NLRC3: variants seen among roughly 807,000 people sequenced by gnomAD.
The protein encoded by NLRC3 is NLR family CARD domain-containing protein 3.
A neutral mutation model predicts 91.6 loss-of-function variants in NLRC3; 87 were observed. The ratio of observed to expected loss-of-function variants is 0.95; its 90% CI spans 0.80 to 1.14. NLRC3 has a LOEUF of 1.14. NLRC3 is among the 50% of genes most tolerant of loss of function. NLRC3 has a pLI of 0.00. For missense variants in NLRC3, 1,577 were observed against 1,418.6 expected (o/e 1.11, Z -1.79); for synonymous variants, 694 against 625.3 (o/e 1.11, Z -1.64).
chr16:3,551,628 C>T (rs2039009990), intron 10 of NLRC3, among the ~76,000 whole-genome samples: 1 of 151,276 alleles, frequency 6.6e-6, no homozygotes, highest in African/African-American at 2.4e-5. Flanking sequence ...TCCATCCATC[C>T]ATTCATTCAA....
At chr16:3,544,160 A>AG (rs1181342517) in intron 16 of NLRC3, 86 bp downstream of exon 16, 13 of 786,052 alleles carry the variant, frequency 1.7e-5, no homozygotes, top group East Asian at 1.6e-4. Context: ...TCTTGTCTCG[A>AG]GGAAAAAAAA....
At position 3,567,771 on chromosome 16, in the gene NLRC3, C is replaced by CAAAA. The variant is rs774868671; in HGVS notation, c.-168-451_-168-448dup. ...TGGGCAACAGAGCGAGACTCCATCT[C>CAAAA]AAAAAAAAAAAAAAAAAAAAAAGCT... On this transcript the variant is annotated intron_variant, in intron 1 of 19. Transcript: ENST00000359128. 6.3e-3 allele frequency among the ~76,000 whole-genome samples: 241 copies of CAAAA among 38,472 alleles called. 21 individuals are homozygous for CAAAA. Among genetic ancestry groups the CAAAA allele is most frequent in the Middle Eastern group, 0.019 (1 of 52 alleles). The allele number at this position is 38,472 out of a possible 152,430, so 25.2% of individuals were successfully genotyped here. A position where few individuals can be genotyped will look rare whatever the true frequency, so the allele number is the denominator to read the frequency against.
intron 2 of NLRC3, among the ~76,000 whole-genome samples, chr16:3,565,581 AC>A (rs2039846236): frequency 6.6e-6 from 1 of 151,686 alleles, no homozygotes; most frequent in African/African-American, 2.4e-5. Context: ...AGACAGGAAG[AC>A]AGTGAAAGAA....
chr16:3,561,702 C>G lies in NLRC3; in HGVS notation c.2015G>C (p.Ser672Thr). The G allele has an allele frequency of 6.2e-7, 1 of 1,609,776 alleles. No individual in the cohort carries two copies. The highest frequency in any genetic ancestry group is 8.5e-7 in the Non-Finnish European group (1 of 1,176,280). The part of the protein sequence containing the change: ...SGKDCRIQKI[S>T]LAENQISNKG... ...TGGAGGTCCCCTGGGTCTGTGTTACCTGATCTTCTGAATGCGACAGTCCTT... is the reference window on the plus strand; with the variant it reads ...TGGAGGTCCCCTGGGTCTGTGTTACGTGATCTTCTGAATGCGACAGTCCTT... The change falls in exon 6 of 20, where the codon AGC (serine) becomes ACC (threonine). Residue 672 changes from serine (S) to threonine (T), a missense_variant and splice_region_variant. Coordinates refer to ENST00000359128, the MANE Select transcript of NLRC3 (RefSeq NM_178844.4).
chr16:3,555,571 ACAGT>A (rs915439976), intron 8 of NLRC3, among the ~76,000 whole-genome samples: 3 of 151,878 alleles, frequency 2.0e-5, no homozygotes, highest in Admixed American at 6.6e-5. Flanking sequence ...ACACTTTAAA[ACAGT>A]CAGGGTTTTT....
rs769314192 is a variant in NLRC3, at chr16:3,544,332, A to G, written c.2772-3T>C. The stretch of plus-strand genomic sequence containing the variant: ...CCCCGATGGCGTTCTCCTGTAAACT[A>G]GACACAGAGTATGACCCCTTTGGGT... On this transcript the variant is annotated splice_polypyrimidine_tract_variant and splice_region_variant and intron_variant, in intron 15 of 19. Transcript: ENST00000359128. 6.2e-7 allele frequency: 1 copy of G among 1,610,206 alleles called. No homozygotes were observed. Among genetic ancestry groups the G allele is most frequent in the Non-Finnish European group, 8.5e-7 (1 of 1,176,698 alleles).
chr16:3,555,878 C>T (rs2039285092), intron 8 of NLRC3: 2 of 149,946 alleles, frequency 1.3e-5, no homozygotes, highest in African/African-American at 4.9e-5. Context: ...CTCTGGGACC[C>T]GCCTAAAACA....
intron 8 of NLRC3, among the ~76,000 whole-genome samples, 178 bp downstream of exon 8, chr16:3,556,733 C>T (rs1343877774): frequency 6.6e-6 from 1 of 152,032 alleles, no homozygotes; most frequent in Admixed American, 6.6e-5. Context: ...GAGCTCCTGA[C>T]CTCAAGCGAT....
At chr16:3,559,745 TCTC>T (rs1161772696) in intron 6 of NLRC3, among the ~76,000 whole-genome samples, 1 of 151,706 alleles carries the variant, frequency 6.6e-6, no homozygotes, top group Non-Finnish European at 1.5e-5. Context: ...CTCAAGCAGT[TCTC>T]CTGCTTCAGC....
At chr16:3,558,500 C>A (rs766940117) in intron 6 of NLRC3, among the ~76,000 whole-genome samples, 1 of 152,062 alleles carries the variant, frequency 6.6e-6, no homozygotes, top group Non-Finnish European at 1.5e-5. Flanking sequence ...AATTTAGGCA[C>A]ACTACTGATC....
intron 15 of NLRC3, among the ~76,000 whole-genome samples, chr16:3,546,975 G>A (rs547390791): frequency 6.6e-6 from 1 of 152,282 alleles, no homozygotes; most frequent in South Asian, 2.1e-4. Flanking sequence ...GAAATGGTCA[G>A]GGAGAAAGGC....
At chr16:3,542,915 C>T in intron 17 of NLRC3, 140 bp from the exon 18 acceptor site, 2 of 615,322 alleles carry the variant, frequency 3.3e-6, no homozygotes, top group Non-Finnish European at 5.8e-6. Context: ...GTGCCTTCCT[C>T]ACTCCAGGGC....
rs764223738 is a variant in NLRC3, at chr16:3,542,293, G to A, written c.3024-19C>T. 8.1e-6 allele frequency: 12 copies of A among 1,476,802 alleles called. No homozygotes were observed. The highest frequency in any genetic ancestry group is 7.5e-6 in the Non-Finnish European group (8 of 1,071,126). 91.5% of individuals were successfully genotyped at this position (1,476,802 alleles called of 1,614,324 possible). On this transcript the variant is annotated intron_variant, in intron 18 of 19. Transcript: ENST00000359128. ...TTGAAGACTAAGTGGAAAAGAGATG[G>A]AGACACACGGTGAGCCATCAGGGCA...
chr16:3,549,221 G>C lies in NLRC3; in HGVS notation c.2524C>G (p.Arg842Gly). ...TNQTLLSLSL[R>G]ENSISPEGAQ... ...CCCTCGGGACTGATGGAGTTTTCTC[G>C]AAGGCTGAAAAAAAAGGAAAGACCT... The change falls in exon 13 of 20, where the codon CGA becomes GGA. Residue 842 changes from arginine to glycine, a missense_variant. Physicochemically the swap from Arg to Gly is moderately radical, Grantham distance 125 (BLOSUM62 -2). Transcript: ENST00000359128. The C allele has an allele frequency of 1.9e-6, 3 of 1,577,210 alleles. No homozygotes were observed. Among genetic ancestry groups the C allele is most frequent in the Non-Finnish European group, 2.6e-6 (3 of 1,160,854 alleles).
At chr16:3,557,509 C>T (rs2039400123) in intron 7 of NLRC3, 84 bp downstream of exon 7, 2 of 789,104 alleles carry the variant, frequency 2.5e-6, no homozygotes, top group Non-Finnish European at 4.3e-6. Flanking sequence ...AAGTCATTTC[C>T]TAGGAGGGAG....
chr16:3,564,921 C>T lies in NLRC3; in HGVS notation c.116G>A (p.Gly39Asp). The T allele has an allele frequency of 6.2e-7, 1 of 1,610,260 alleles. No homozygotes were observed. The highest frequency in any genetic ancestry group is 8.5e-7 in the Non-Finnish European group (1 of 1,179,664). The change falls in exon 4 of 20, where the codon GGC becomes GAC. Residue 39 changes from glycine to aspartate, a missense_variant. Gly to Asp is a moderately conservative substitution (Grantham distance 94). Transcript: ENST00000359128. This position sits in a 1 kb window ranked among gnomAD's most constrained non-coding sequence, Gnocchi z 5.9. Reference protein sequence around the residue: ...MDLLAGKGSQGSQAPQALDRT... With the variant: ...MDLLAGKGSQDSQAPQALDRT... ...ATCCAGGGCCTGCGGGGCCTGGGAG[C>T]CTTGACTGCCCTTCCCAGCCAGCAG...
In NLRC3 at chr16:3,564,598, G is replaced by A. The variant is rs373142707; in HGVS notation, c.339C>T (p.Arg113=). ...EHDFTQVEAT[R]GGGHPARTVA... ...CGGTCCTGGCGGGGTGCCCGCCCCC[G>A]CGGGTGGCCTCCACCTGTGTGAAGT... The change falls in exon 5 of 20, where the codon CGC becomes CGT. Residue 113 remains arginine (R), a synonymous_variant. Transcript: ENST00000359128. The surrounding 1 kb of genome is among the most constrained non-coding windows in gnomAD (Gnocchi z 5.9). 1.7e-5 allele frequency: 28 copies of A among 1,610,886 alleles called. No homozygotes were observed. The highest frequency in any genetic ancestry group is 6.7e-5 in the African/African-American group (5 of 74,930).
chr16:3,557,808 G>A, intron 6 of NLRC3, 132 bp from the exon 7 acceptor site: 2 of 630,956 alleles, frequency 3.2e-6, no homozygotes, highest in Non-Finnish European at 5.7e-6. Flanking sequence ...GTGGAGATGA[G>A]GTGACCCCTG....
At chr16:3,548,418 C>T (rs2038811946) in intron 14 of NLRC3, among the ~76,000 whole-genome samples, 200 bp from the exon 15 acceptor site, 1 of 152,206 alleles carries the variant, frequency 6.6e-6, no homozygotes. Flanking sequence ...GGGGAATAAG[C>T]CAGAAAAGAC....
Sources: gnomAD v4.1 joint callset for allele counts (sites outside exome capture counted in the v4.1 genomes callset) on GRCh38, gnomAD v4.1.1 for gene constraint, Gnocchi (gnomAD v3.1) non-coding constraint, MANE v1.5 for transcripts, NCBI Gene and HGNC (gene_info 2026-07-23, HGNC 2026-07-21) for gene names.